The following MYOM2 variants were observed in gnomAD, a reference collection of about 807,000 sequenced individuals.
The protein encoded by MYOM2 is myomesin-2.
MYOM2 carries 254 observed loss-of-function variants against 187.6 expected under a neutral mutation model. That is an observed-to-expected ratio of 1.35 (90% CI 1.22 to 1.50). The LOEUF is 1.50. Ranked by LOEUF, MYOM2 falls within the 40% of genes most tolerant of loss-of-function variation. The pLI, the probability that MYOM2 is intolerant of heterozygous loss-of-function variation, is 0.00. For synonymous variants in MYOM2, 981 were observed against 753.8 expected, an observed-to-expected ratio of 1.30 and a Z score of -4.94; for missense variants, 2,796 against 1,924.0, an observed-to-expected ratio of 1.45 and a Z score of -8.48.
At chr8:2,113,193 G>A (rs530024950) in intron 25 of MYOM2, among the ~76,000 whole-genome samples, 7 of 152,214 alleles carry the variant, frequency 4.6e-5, no homozygotes, top group Non-Finnish European at 7.3e-5. Flanking sequence ...GGCGAGTCCC[G>A]CGCTGGACAT....
rs568241272 is a variant in MYOM2 at position 2,134,451 on chromosome 8, A to G, written c.3800+5219A>G. 2.0e-5 allele frequency among the ~76,000 whole-genome samples: 3 copies of G among 152,010 alleles called. No homozygotes were observed. In the East Asian group the frequency reaches 5.8e-4, roughly 29 times the overall value. ...CCCGTCTCTTCCTGGGAACGTTATTATTTTTCTCTTGGTAATTAGTAAATA... is the reference window on the plus strand; with the variant it reads ...CCCGTCTCTTCCTGGGAACGTTATTGTTTTTCTCTTGGTAATTAGTAAATA... On this transcript the variant is annotated intron_variant, in intron 32 of 36. Coordinates refer to ENST00000262113, the MANE Select transcript of MYOM2 (RefSeq NM_003970.4).
chr8:2,079,387 A>G (rs60156064), intron 12 of MYOM2, among the ~76,000 whole-genome samples, 173 bp from the exon 13 acceptor site: 1,674 of 152,098 alleles, frequency 0.011, 19 homozygotes, highest in East Asian at 0.053. Context: ...CCAAGAGCTG[A>G]GAAGTGCTAA....
chr8:2,068,698 G>A (rs950781160), intron 6 of MYOM2, among the ~76,000 whole-genome samples: 1 of 152,232 alleles, frequency 6.6e-6, no homozygotes, highest in Admixed American at 6.5e-5. Context: ...CTTAGAACTC[G>A]CATGGGATGG....
chr8:2,143,350 G>A lies in MYOM2; in HGVS notation c.4025-51G>A, dbSNP rs144168941. On this transcript the variant is annotated intron_variant, in intron 35 of 36. Coordinates refer to ENST00000262113, the MANE Select transcript of MYOM2 (RefSeq NM_003970.4). Reference sequence around the variant, plus strand: ...CTGCTGCTTACATGGCTCCTGCTCCGTGGGAACGTCCCGCAGATGTTTTCC... The same window carrying A: ...CTGCTGCTTACATGGCTCCTGCTCCATGGGAACGTCCCGCAGATGTTTTCC... The A allele has an allele frequency of 8.0e-5, 129 of 1,610,356 alleles. 1 individual carries two copies. In the Middle Eastern group the frequency reaches 3.3e-3, roughly 41 times the overall value.
Position 2,129,216 on chromosome 8 carries a change from G to A in MYOM2, c.3784G>A (p.Val1262Met), listed in dbSNP as rs1233888967. 6.2e-7 allele frequency: 1 copy of A among 1,609,468 alleles called. No homozygotes were observed. Among genetic ancestry groups the A allele is most frequent in the Non-Finnish European group, 8.5e-7 (1 of 1,176,098 alleles). The change falls in exon 32 of 37, where the codon GTG becomes ATG. Residue 1262 changes from valine to methionine, a missense_variant. Physicochemically the swap from Val to Met is conservative, Grantham distance 21 (BLOSUM62 1). Transcript: ENST00000262113. ...FMKYFTDEMK[V>M]NWCHKDAKIS... ...GAAGTATTTTACAGACGAAATGAAA[G>A]TGAACTGGTGTCACAAGTAAGTATG...
intron 35 of MYOM2, 95 bp downstream of exon 35, chr8:2,142,492 A>T: frequency 8.1e-7 from 1 of 1,229,290 alleles, no homozygotes; most frequent in Non-Finnish European, 1.2e-6. Flanking sequence ...GTATTAAATA[A>T]TAACCAGCAA....
At chr8:2,073,239 C>G (rs538876595) in intron 9 of MYOM2, 100 bp from the exon 10 acceptor site, 3 of 1,329,602 alleles carry the variant, frequency 2.3e-6, no homozygotes, top group East Asian at 2.3e-5. Context: ...TCCAGCTCGA[C>G]TGTCCTGTCC....
chr8:2,108,935 C>A, intron 24 of MYOM2, 105 bp downstream of exon 24: 1 of 1,048,610 alleles, frequency 9.5e-7, no homozygotes, highest in Non-Finnish European at 1.4e-6. Context: ...GAAAGGATGG[C>A]CTGATTTCCT....
intron 6 of MYOM2, among the ~76,000 whole-genome samples, chr8:2,068,321 AG>A: frequency 6.6e-6 from 1 of 150,688 alleles, no homozygotes; most frequent in Non-Finnish European, 1.5e-5. Context: ...TGTGTGTACC[AG>A]GCGGAGAGCA....
intron 5 of MYOM2, 107 bp downstream of exon 5, chr8:2,057,887 T>C (rs1818723927): frequency 6.7e-6 from 8 of 1,192,410 alleles, no homozygotes; most frequent in African/African-American, 4.6e-5. Flanking sequence ...GGAGGCCACT[T>C]ACCTTGAAAC....
intron 6 of MYOM2, among the ~76,000 whole-genome samples, chr8:2,062,791 G>A (rs558364935): frequency 9.8e-5 from 15 of 152,290 alleles, no homozygotes; most frequent in Admixed American, 5.2e-4. Context: ...GTTGGTCTGA[G>A]TTCCAGATCA....
chr8:2,121,678 A>G (rs531051747), intron 28 of MYOM2, among the ~76,000 whole-genome samples: 89 of 152,292 alleles, frequency 5.8e-4, no homozygotes, highest in African/African-American at 2.1e-3. Context: ...TTATGCAAGG[A>G]TGCAGTCACA....
chr8:2,069,552 A>C, intron 8 of MYOM2, 55 bp downstream of exon 8: 1 of 1,595,912 alleles, frequency 6.3e-7, no homozygotes, highest in Admixed American at 1.7e-5. Flanking sequence ...GACATAGCAG[A>C]CAATTTGAAA....
chr8:2,113,994 G>A (rs142991967), intron 25 of MYOM2, among the ~76,000 whole-genome samples: 491 of 152,268 alleles, frequency 3.2e-3, no homozygotes, highest in African/African-American at 7.1e-3. Flanking sequence ...GGGTGGGGAG[G>A]GTGCTCCCAA....
intron 32 of MYOM2, among the ~76,000 whole-genome samples, chr8:2,133,574 C>A (rs1797950471): frequency 6.6e-6 from 1 of 152,218 alleles, no homozygotes; most frequent in Admixed American, 6.5e-5. Flanking sequence ...GATTCTCCCA[C>A]CTCAGCCTCC....
chr8:2,074,066 C>T (rs566241275), intron 10 of MYOM2, among the ~76,000 whole-genome samples: 10 of 152,278 alleles, frequency 6.6e-5, no homozygotes, highest in African/African-American at 2.2e-4. Flanking sequence ...GGGTCCTACA[C>T]GGATTTCGTC....
At chr8:2,080,111 CT>C (rs1464252275) in intron 13 of MYOM2, among the ~76,000 whole-genome samples, 3 of 152,060 alleles carry the variant, frequency 2.0e-5, no homozygotes, top group African/African-American at 7.2e-5. Context: ...CCTGATTTTC[CT>C]TTTAGAGACC....
rs765618127 is a variant in MYOM2, at chr8:2,106,341, A to C, written c.2834A>C (p.Lys945Thr). 1.2e-6 allele frequency: 2 copies of C among 1,614,162 alleles called. No homozygotes were observed. The highest frequency in any genetic ancestry group is 2.2e-5 in the South Asian group (2 of 91,080). ...GACGCGTCTCAGTTCACCTGGTGTA[A>C]ATCCTACGAGGAGATTTCAGATGAT... The part of the protein sequence containing the change: ...MTDASQFTWC[K>T]SYEEISDDER... The change falls in exon 22 of 37, where the codon AAA (lysine) becomes ACA (threonine). Residue 945 changes from lysine (K) to threonine (T), a missense_variant. Coordinates refer to ENST00000262113, the MANE Select transcript of MYOM2 (RefSeq NM_003970.4).
chr8:2,066,433 CTG>C (rs1563424899), intron 6 of MYOM2, among the ~76,000 whole-genome samples: 1 of 152,168 alleles, frequency 6.6e-6, no homozygotes, highest in Non-Finnish European at 1.5e-5. Context: ...CTCTCATCTG[CTG>C]TGTTATTGCT....
Sources: allele counts gnomAD v4.1 joint callset (sites outside exome capture counted in the v4.1 genomes callset), GRCh38; gene constraint gnomAD v4.1.1; transcripts MANE v1.5; gene names NCBI Gene and HGNC (gene_info 2026-07-23, HGNC 2026-07-21).